Variants in ANKRD6 observed in about 807,000 individuals in gnomAD.
ANKRD6 encodes the protein ankyrin repeat domain 6.
In ANKRD6, 56 loss-of-function variants were observed where a neutral mutation model predicts 82.3. The observed-to-expected ratio is 0.68, with a 90% confidence interval of 0.55 to 0.85. The LOEUF (loss-of-function observed/expected upper bound fraction) is 0.85. Among genes scored for constraint, ANKRD6 ranks in the 40% least tolerant of loss-of-function variants. The probability of loss-of-function intolerance (pLI) is 0.00; values close to 1 mark genes in which losing one functional copy is unlikely to be tolerated. For missense variants in ANKRD6, 852 were observed against 907.6 expected (o/e 0.94, Z 0.79); for synonymous variants, 347 against 352.1 (o/e 0.99, Z 0.16).
At chr6:89,458,671 C>G (rs1370955967) in intron 1 of ANKRD6, among the ~76,000 whole-genome samples, 1 of 152,202 alleles carries the variant, frequency 6.6e-6, no homozygotes, top group African/African-American at 2.4e-5. Context: ...TCTAGCTGAG[C>G]TGGCAGCTAA....
intron 1 of ANKRD6, among the ~76,000 whole-genome samples, chr6:89,546,584 C>T (rs1785123706): frequency 6.6e-6 from 1 of 152,016 alleles, no homozygotes; most frequent in Non-Finnish European, 1.5e-5. Flanking sequence ...GTGCCTCAGC[C>T]TCTCGAGTAG....
chr6:89,605,913 G>A (rs976926072), intron 4 of ANKRD6, 94 bp from the exon 5 acceptor site: 17 of 811,376 alleles, frequency 2.1e-5, no homozygotes, highest in Non-Finnish European at 2.9e-5. Flanking sequence ...AAGGCCGTCT[G>A]GTGTTCCGTA....
chr6:89,448,964 A>G (rs1025899199), intron 1 of ANKRD6, among the ~76,000 whole-genome samples: 16 of 143,990 alleles, frequency 1.1e-4, no homozygotes, highest in Non-Finnish European at 2.3e-4. Context: ...TGGGAGGCGG[A>G]GCTTGCAGTG....
At chr6:89,457,258 C>T (rs1243200567) in intron 1 of ANKRD6, among the ~76,000 whole-genome samples, 1 of 152,208 alleles carries the variant, frequency 6.6e-6, no homozygotes, top group Admixed American at 6.5e-5. Flanking sequence ...ATTGGTCACA[C>T]ATACCCAGCC....
At chr6:89,446,817 C>G (rs12191094) in intron 1 of ANKRD6, among the ~76,000 whole-genome samples, 1 of 152,178 alleles carries the variant, frequency 6.6e-6, no homozygotes, top group Non-Finnish European at 1.5e-5. Context: ...CAGTTACCCT[C>G]GTGCTCTTCT....
At chr6:89,608,886 C>A (rs1488727117) in intron 5 of ANKRD6, among the ~76,000 whole-genome samples, 1 of 152,198 alleles carries the variant, frequency 6.6e-6, no homozygotes, top group African/African-American at 2.4e-5. Context: ...TGCTCAGCGA[C>A]CTTCTCATAA....
At chr6:89,602,292 G>T (rs1051917395) in intron 3 of ANKRD6, 3 of 152,130 alleles carry the variant, frequency 2.0e-5, no homozygotes, top group Non-Finnish European at 4.4e-5. Context: ...GCTTACCTCT[G>T]GGAGTGTTTC....
At chr6:89,496,203 C>T (rs1344765924) in intron 1 of ANKRD6, among the ~76,000 whole-genome samples, 2 of 147,192 alleles carry the variant, frequency 1.4e-5, no homozygotes, top group Non-Finnish European at 3.0e-5. Context: ...AATTAAAGTA[C>T]TTAGGAATTT....
In ANKRD6 at chr6:89,631,783, G is replaced by A. The variant is rs1443015433; in HGVS notation, c.*779G>A. The A allele has an allele frequency of 1.3e-5, 2 of 152,112 alleles. No individual in the cohort carries two copies. The highest frequency in any genetic ancestry group is 4.8e-5 in the African/African-American group (2 of 41,412). 9.4% of individuals were successfully genotyped at this position (152,112 alleles called of 1,614,324 possible). On this transcript the variant is annotated 3_prime_UTR_variant, in exon 16 of 16. Transcript: ENST00000339746. ...AAAAAAATTCATGTAACAATTACCT[G>A]AAAATTTATAACCTATTCCTAATCA...
intron 1 of ANKRD6, among the ~76,000 whole-genome samples, chr6:89,504,079 C>G (rs1223821237): frequency 7.3e-6 from 1 of 136,634 alleles, no homozygotes; most frequent in African/African-American, 2.8e-5. Flanking sequence ...GTGACAAGGT[C>G]TGACCTGAGG....
chr6:89,616,393 G>T lies in ANKRD6; in HGVS notation c.616-166G>T, dbSNP rs1184387312. 4 of 613,402 alleles carry T rather than the reference G, an allele frequency of 6.5e-6. No individual in the cohort carries two copies. The East Asian group carries it at 1.1e-4, about 17-fold the overall frequency. 38.0% of individuals were successfully genotyped at this position (613,402 alleles called of 1,614,324 possible). ...TGGTGCCGAGGTCACTTAGTTCCAA[G>T]ACCTCTTTAAGTAGAGCCTCATAAC... On this transcript the variant is annotated intron_variant, in intron 7 of 15. Transcript: ENST00000339746.
At chr6:89,522,739 T>C (rs1330782550) in intron 1 of ANKRD6, among the ~76,000 whole-genome samples, 1 of 152,148 alleles carries the variant, frequency 6.6e-6, no homozygotes, top group African/African-American at 2.4e-5. Flanking sequence ...CTCTTGATTT[T>C]AGAGAAATTT....
In ANKRD6 at chr6:89,450,475, G is replaced by A. The variant is rs547051118; in HGVS notation, c.-144+17100G>A. 1.4e-4 allele frequency among the ~76,000 whole-genome samples: 21 copies of A among 152,222 alleles called. No individual in the cohort carries two copies. The South Asian group carries it at 1.4e-3, about 11-fold the overall frequency. ...AGCAAAAACATTATGACCTACTGAA[G>A]GTTCAGATGATCATCAGCATTTTTA... is the stretch of plus-strand genomic sequence containing the variant. On this transcript the variant is annotated intron_variant, in intron 1 of 15. Coordinates refer to ENST00000339746, the MANE Select transcript of ANKRD6 (RefSeq NM_001242809.2).
chr6:89,544,273 A>G lies in ANKRD6; in HGVS notation c.-143-22561A>G, dbSNP rs373506444. On this transcript the variant is annotated intron_variant, in intron 1 of 15. Coordinates refer to ENST00000339746, the MANE Select transcript of ANKRD6 (RefSeq NM_001242809.2). ...GCTCAGGCCGCAAGGAGCCATCCCA[A>G]TGTCCGCAGACCAGCTTTAGGTGTC... Among the ~76,000 whole-genome samples the G allele has an allele frequency of 2.8e-4, 42 of 152,362 alleles. No homozygotes were observed. In the East Asian group the frequency reaches 5.6e-3, roughly 20 times the overall value.
intron 1 of ANKRD6, among the ~76,000 whole-genome samples, chr6:89,494,331 G>T (rs1778360834): frequency 6.6e-6 from 1 of 152,196 alleles, no homozygotes; most frequent in Admixed American, 6.5e-5. Context: ...AATTTGATTA[G>T]ATAGTAATGG....
At chr6:89,454,802 C>T (rs759123111) in intron 1 of ANKRD6, among the ~76,000 whole-genome samples, 6 of 151,986 alleles carry the variant, frequency 3.9e-5, no homozygotes, top group Non-Finnish European at 5.9e-5. Context: ...TTTTAGATAA[C>T]GTAGTTTGGT....
chr6:89,588,348 A>G (rs1262109696), intron 2 of ANKRD6, among the ~76,000 whole-genome samples: 1 of 152,132 alleles, frequency 6.6e-6, no homozygotes, highest in Non-Finnish European at 1.5e-5. Context: ...GCCTCCTACT[A>G]CCTCTCTCTT....
intron 1 of ANKRD6, among the ~76,000 whole-genome samples, chr6:89,449,883 G>C (rs1263488222): frequency 6.6e-6 from 1 of 152,170 alleles, no homozygotes; most frequent in African/African-American, 2.4e-5. Context: ...TGAAGATGCT[G>C]TGAATATTGT....
intron 5 of ANKRD6, among the ~76,000 whole-genome samples, 178 bp from the exon 6 acceptor site, chr6:89,612,094 C>A (rs953014429): frequency 6.6e-6 from 1 of 152,212 alleles, no homozygotes; most frequent in African/African-American, 2.4e-5. Flanking sequence ...TCTGCCTGTT[C>A]AGACTCCAAA....
Sources: allele counts gnomAD v4.1 joint callset (sites outside exome capture counted in the v4.1 genomes callset), GRCh38; gene constraint gnomAD v4.1.1; transcripts MANE v1.5; gene names NCBI Gene and HGNC (gene_info 2026-07-23, HGNC 2026-07-21).